Variants in EYS observed in about 807,000 individuals in gnomAD.
EYS encodes the protein EGF-like photoreceptor maintenance factor.
In EYS, 250 loss-of-function variants were observed where a neutral mutation model predicts 282.1. The observed-to-expected ratio is 0.89, with a 90% CI of 0.80 to 0.98. The LOEUF (loss-of-function observed/expected upper bound fraction) is 0.98, where lower values mean the gene tolerates loss of function less well. EYS is among the 50% of genes least tolerant of loss of function. The pLI is 0.00. For synonymous variants in EYS, 1,355 were observed against 1,282.9 expected, an observed-to-expected ratio of 1.06 and a Z score of -1.20; for missense variants, 4,016 against 3,709.0, an observed-to-expected ratio of 1.08 and a Z score of -2.15.
At chr6:64,553,039 C>T (rs1765134307) in intron 26 of EYS, among the ~76,000 whole-genome samples, 2 of 150,180 alleles carry the variant, frequency 1.3e-5, no homozygotes, top group African/African-American at 4.9e-5. Context: ...AATCAATGTA[C>T]ATCTTGCATG....
chr6:65,244,625 G>A (rs1165926798), intron 12 of EYS, among the ~76,000 whole-genome samples: 1 of 151,962 alleles, frequency 6.6e-6, no homozygotes, highest in Admixed American at 6.6e-5. Context: ...CCATTCTCCT[G>A]CCTCAGCCTC....
chr6:64,993,819 A>T (rs1293592464), intron 14 of EYS, among the ~76,000 whole-genome samples: 2 of 150,254 alleles, frequency 1.3e-5, no homozygotes, highest in Admixed American at 1.3e-4. Context: ...TTTTTAGAAG[A>T]CATATAAATT....
chr6:64,635,882 A>G (rs1337604026), intron 22 of EYS, among the ~76,000 whole-genome samples: 2 of 152,184 alleles, frequency 1.3e-5, no homozygotes, highest in Admixed American at 1.3e-4. Context: ...TTATTGGAAT[A>G]GTTTCAGAAG....
At chr6:64,367,634 A>C (rs974770973) in intron 29 of EYS, among the ~76,000 whole-genome samples, 1 of 151,518 alleles carries the variant, frequency 6.6e-6, no homozygotes, top group African/African-American at 2.4e-5. Flanking sequence ...TATGGCTGTT[A>C]TCTTTGATCT....
chr6:65,586,781 C>T (rs561246023), intron 2 of EYS, among the ~76,000 whole-genome samples: 1 of 152,038 alleles, frequency 6.6e-6, no homozygotes, highest in South Asian at 2.1e-4. Context: ...TGTGTACATT[C>T]CCTGTCCAAT....
intron 2 of EYS, among the ~76,000 whole-genome samples, chr6:65,508,373 C>T (rs1766736711): frequency 6.6e-6 from 1 of 152,022 alleles, no homozygotes; most frequent in Non-Finnish European, 1.5e-5. Context: ...TAGCCTGTAG[C>T]CTTAAGAAAT....
intron 31 of EYS, among the ~76,000 whole-genome samples, chr6:64,131,394 A>G (rs1014271490): frequency 6.6e-6 from 1 of 152,032 alleles, no homozygotes; most frequent in African/African-American, 2.4e-5. Flanking sequence ...TGCTTGCTCA[A>G]AATAATGTGA....
At chr6:64,718,348 C>A (rs528341066) in intron 22 of EYS, among the ~76,000 whole-genome samples, 1 of 152,270 alleles carries the variant, frequency 6.6e-6, no homozygotes, top group East Asian at 1.9e-4. Flanking sequence ...TTCAAATAAC[C>A]CTCCTTTCAC....
intron 12 of EYS, among the ~76,000 whole-genome samples, chr6:65,137,775 T>C (rs899186213): frequency 2.0e-5 from 3 of 152,016 alleles, no homozygotes; most frequent in Non-Finnish European, 4.4e-5. Context: ...ACAAGAGATA[T>C]TTAAGAGGAA....
intron 28 of EYS, among the ~76,000 whole-genome samples, chr6:64,411,094 C>T (rs1773874958): frequency 6.6e-6 from 1 of 151,948 alleles, no homozygotes; most frequent in African/African-American, 2.4e-5. Context: ...AGGAGAGAAA[C>T]ACTGAATCTT....
rs976119206 is a variant in EYS, at chr6:65,317,470, C to T, written c.1766+17510G>A. ...TATGATTTTTGTTTTCCTATTGTTACGGTCTGTATATTTTATAAAATGAAT... is the reference window on the plus strand; with the variant it reads ...TATGATTTTTGTTTTCCTATTGTTATGGTCTGTATATTTTATAAAATGAAT... On this transcript the variant is annotated intron_variant, in intron 11 of 42. Coordinates refer to ENST00000503581, the MANE Select transcript of EYS (RefSeq NM_001142800.2). Among the ~76,000 whole-genome samples, 17 of 152,186 alleles carry T rather than the reference C, an allele frequency of 1.1e-4. No individual in the cohort carries two copies. In the South Asian group the frequency reaches 2.5e-3, roughly 22 times the overall value.
At chr6:64,647,788 T>C (rs1463821674) in intron 22 of EYS, among the ~76,000 whole-genome samples, 1 of 152,212 alleles carries the variant, frequency 6.6e-6, no homozygotes, top group South Asian at 2.1e-4. Flanking sequence ...TTTGTTATTC[T>C]TTATTGGCAA....
chr6:64,974,659 T>A (rs1471216468), intron 14 of EYS, among the ~76,000 whole-genome samples: 1 of 151,876 alleles, frequency 6.6e-6, no homozygotes, highest in Admixed American at 6.6e-5. Context: ...ATAGGATACA[T>A]ATTATATTAC....
In EYS at chr6:64,315,395, A is replaced by C. The variant is rs151077427; in HGVS notation, c.6079-8313T>G. Among the ~76,000 whole-genome samples, 388 of 152,298 alleles carry C rather than the reference A, an allele frequency of 2.5e-3. 3 individuals are homozygous for C. The highest frequency in any genetic ancestry group is 8.7e-3 in the African/African-American group (362 of 41,562). ...TATTGCAAACAATGGAAAAAAAGGGAAACCTCCCTAACTCATTTTATGAGG... is the reference window on the plus strand; with the variant it reads ...TATTGCAAACAATGGAAAAAAAGGGCAACCTCCCTAACTCATTTTATGAGG... On this transcript the variant is annotated intron_variant, in intron 29 of 42. Coordinates refer to ENST00000503581, the MANE Select transcript of EYS (RefSeq NM_001142800.2).
At chr6:65,289,422 G>A (rs1347774403) in intron 12 of EYS, among the ~76,000 whole-genome samples, 1 of 150,870 alleles carries the variant, frequency 6.6e-6, no homozygotes, top group African/African-American at 2.4e-5. Context: ...TGGGAGTATG[G>A]TATATAGATT....
At chr6:64,983,100 T>C (rs573216179) in intron 14 of EYS, among the ~76,000 whole-genome samples, 10 of 151,384 alleles carry the variant, frequency 6.6e-5, no homozygotes, top group African/African-American at 2.4e-4. Context: ...CACACTGATA[T>C]TCTCGATTTT....
intron 2 of EYS, among the ~76,000 whole-genome samples, chr6:65,592,901 C>A (rs553906332): frequency 2.0e-5 from 3 of 151,978 alleles, no homozygotes; most frequent in Admixed American, 2.0e-4. Flanking sequence ...GATTCCTGCA[C>A]GTAGCATCCT....
intron 35 of EYS, among the ~76,000 whole-genome samples, chr6:63,874,633 G>T (rs1201262431): frequency 1.3e-5 from 2 of 151,270 alleles, no homozygotes; most frequent in Non-Finnish European, 3.0e-5. Context: ...CATGAGCATG[G>T]AATGTTCTTC....
intron 2 of EYS, among the ~76,000 whole-genome samples, chr6:65,615,707 G>A (rs1432577631): frequency 6.6e-6 from 1 of 151,886 alleles, no homozygotes; most frequent in Non-Finnish European, 1.5e-5. Context: ...GGCCAAGGCG[G>A]GCAGATCATG....
Sources: gnomAD v4.1 joint callset for allele counts (sites outside exome capture counted in the v4.1 genomes callset) on GRCh38, gnomAD v4.1.1 for gene constraint, MANE v1.5 for transcripts, NCBI Gene and HGNC (gene_info 2026-07-23, HGNC 2026-07-21) for gene names.